Variants in SLC1A3 observed in about 807,000 individuals in gnomAD.
SLC1A3 encodes the protein excitatory amino acid transporter 1.
SLC1A3 carries 21 observed loss-of-function variants against 48.1 expected under a neutral mutation model. That is an observed-to-expected ratio of 0.44 (90% confidence interval 0.31 to 0.63). The LOEUF is 0.63. SLC1A3 is among the 20% of genes least tolerant of loss of function. The pLI is 0.08. For missense variants in SLC1A3, 546 were observed against 689.0 expected, an observed-to-expected ratio of 0.79 and a Z score of 2.32; for synonymous variants, 239 against 251.4, an observed-to-expected ratio of 0.95 and a Z score of 0.47.
chr5:36,643,615 A>G (rs183076531), intron 3 of SLC1A3, among the ~76,000 whole-genome samples: 4 of 152,296 alleles, frequency 2.6e-5, no homozygotes, highest in Admixed American at 2.6e-4. Context: ...CACTTGTCAT[A>G]AATCATAGCT....
At chr5:36,670,662 C>T (rs1741951029) in intron 3 of SLC1A3, among the ~76,000 whole-genome samples, 1 of 152,152 alleles carries the variant, frequency 6.6e-6, no homozygotes, top group South Asian at 2.1e-4. Context: ...CACACATGCA[C>T]ACAGGCACAC....
chr5:36,627,495 T>TAA (rs367790434), intron 2 of SLC1A3, among the ~76,000 whole-genome samples: 21 of 144,122 alleles, frequency 1.5e-4, no homozygotes, highest in African/African-American at 4.3e-4. Context: ...AAAACTACAC[T>TAA]AAAAAAAAAA....
chr5:36,679,324 A>G (rs980451899), intron 6 of SLC1A3, among the ~76,000 whole-genome samples: 1 of 152,216 alleles, frequency 6.6e-6, no homozygotes, highest in Non-Finnish European at 1.5e-5. Context: ...GGGTATCAAA[A>G]GCTCTGTATC....
At chr5:36,604,723 G>A (rs951761068), upstream of SLC1A3, among the ~76,000 whole-genome samples, 1 of 152,136 alleles carries the variant, frequency 6.6e-6, no homozygotes, top group African/African-American at 2.4e-5. Context: ...AAGGGCACCA[G>A]GGTCTTCCCA....
At chr5:36,605,124 T>G (rs1013304236), upstream of SLC1A3, among the ~76,000 whole-genome samples, 15 of 152,140 alleles carry the variant, frequency 9.9e-5, no homozygotes, top group Non-Finnish European at 2.2e-4. Flanking sequence ...TTAAAAAGAG[T>G]TACTTAATAT....
intron 3 of SLC1A3, among the ~76,000 whole-genome samples, chr5:36,653,308 G>A (rs1741159599): frequency 6.6e-6 from 1 of 152,140 alleles, no homozygotes; most frequent in Non-Finnish European, 1.5e-5. Context: ...CAAAATTTAG[G>A]TTATTTCATG....
intron 5 of SLC1A3, among the ~76,000 whole-genome samples, chr5:36,674,779 A>G (rs1024039053): frequency 8.5e-5 from 13 of 152,162 alleles, no homozygotes; most frequent in South Asian, 4.1e-4. Flanking sequence ...TCCAAATTCT[A>G]TCTGCTTTCT....
At chr5:36,645,733 T>C (rs1203376843) in intron 3 of SLC1A3, among the ~76,000 whole-genome samples, 3 of 152,202 alleles carry the variant, frequency 2.0e-5, no homozygotes, top group Non-Finnish European at 4.4e-5. Flanking sequence ...TTCGTCTTTA[T>C]TTGGACGAGG....
intron 1 of SLC1A3, chr5:36,608,119 A>C: frequency 3.2e-6 from 1 of 310,720 alleles, no homozygotes; most frequent in Non-Finnish European, 6.0e-6. Context: ...TTTTAAAAAG[A>C]AAATAGAATA....
At chr5:36,599,143 T>G (rs1253373008) in intron 1 of SLC1A3, among the ~76,000 whole-genome samples, 5 of 152,198 alleles carry the variant, frequency 3.3e-5, no homozygotes, top group African/African-American at 1.2e-4. Context: ...ATTACCATAT[T>G]GGGCAGCACA....
chr5:36,639,457 G>A (rs533946669), intron 3 of SLC1A3, among the ~76,000 whole-genome samples: 252 of 152,316 alleles, frequency 1.7e-3, no homozygotes, highest in African/African-American at 5.7e-3. Flanking sequence ...ATTCTCCTAT[G>A]CAGATATGTC....
chr5:36,632,505 T>C (rs1740173857), intron 3 of SLC1A3, among the ~76,000 whole-genome samples: 1 of 152,212 alleles, frequency 6.6e-6, no homozygotes. Context: ...TCTCTCCATC[T>C]TCTGGGTATA....
rs757416748 is a variant in SLC1A3, at chr5:36,686,217, T to C, written c.1577T>C (p.Ile526Thr). ...ENEMKKPYQL[I>T]AQDNETEKPI... ...GAAATGAAGAAACCATATCAACTGA[T>C]TGCACAGGACAATGAAACTGAGAAA... The change falls in exon 10 of 10, where the codon ATT becomes ACT. Residue 526 changes from isoleucine to threonine, a missense_variant. Coordinates refer to ENST00000265113, the MANE Select transcript of SLC1A3 (RefSeq NM_004172.5). 4 of 1,614,046 alleles carry C rather than the reference T, an allele frequency of 2.5e-6. No individual in the cohort carries two copies. Among genetic ancestry groups the C allele is most frequent in the Non-Finnish European group, 2.5e-6 (3 of 1,179,994 alleles).
intron 3 of SLC1A3, 113 bp downstream of exon 3, chr5:36,629,700 A>G: frequency 5.5e-6 from 2 of 360,840 alleles, no homozygotes; most frequent in East Asian, 7.8e-5. Context: ...TCTGTTCTAG[A>G]AAAAAAAAAA....
At position 36,688,082 on chromosome 5, in the gene SLC1A3, C is replaced by T. The variant is rs552923722; in HGVS notation, c.*1813C>T. The T allele has an allele frequency of 7.2e-5, 11 of 152,226 alleles. No homozygotes were observed. Among genetic ancestry groups the T allele is most frequent in the Non-Finnish European group, 1.0e-4 (7 of 68,034 alleles). 9.4% of individuals were successfully genotyped at this position (152,226 alleles called of 1,614,324 possible). A position where few individuals can be genotyped will look rare whatever the true frequency, so the allele number is the denominator to read the frequency against. On this transcript the variant is annotated 3_prime_UTR_variant, in exon 10 of 10. Coordinates refer to ENST00000265113, the MANE Select transcript of SLC1A3 (RefSeq NM_004172.5). ...ATGTCGAGGCTCTATTTCGGAAATA[C>T]ACTACAAATGTTAAAGTACGTGGCT...
intron 2 of SLC1A3, among the ~76,000 whole-genome samples, chr5:36,623,859 T>G (rs1739791294): frequency 1.4e-5 from 1 of 73,378 alleles, no homozygotes; most frequent in East Asian, 4.3e-4. Context: ...CAAGACACCG[T>G]CTCAAAAAAA....
chr5:36,615,993 C>T (rs1303863832), intron 2 of SLC1A3, among the ~76,000 whole-genome samples: 1 of 152,160 alleles, frequency 6.6e-6, no homozygotes, highest in Non-Finnish European at 1.5e-5. Flanking sequence ...GTCAGGAGTT[C>T]AAGACCAGCC....
chr5:36,654,203 C>G (rs1240056107), intron 3 of SLC1A3, among the ~76,000 whole-genome samples: 1 of 152,166 alleles, frequency 6.6e-6, no homozygotes, highest in African/African-American at 2.4e-5. Flanking sequence ...CTGAGGGGTT[C>G]TTACACCCCT....
At chr5:36,680,639 T>G in intron 8 of SLC1A3, 50 bp downstream of exon 8, 1 of 1,499,210 alleles carries the variant, frequency 6.7e-7, no homozygotes, top group Non-Finnish European at 9.3e-7. Context: ...CCTTTAAGGC[T>G]GGGCGTGGTG....
Sources: gnomAD v4.1 joint callset for allele counts (sites outside exome capture counted in the v4.1 genomes callset) on GRCh38, gnomAD v4.1.1 for gene constraint, MANE v1.5 for transcripts, NCBI Gene and HGNC (gene_info 2026-07-23, HGNC 2026-07-21) for gene names.